The following PAX7 variants were observed in gnomAD, a reference collection of about 807,000 sequenced individuals.
The protein encoded by PAX7 is paired box protein Pax-7.
Under a neutral mutation model 50.7 loss-of-function variants are expected in PAX7, and 18 were observed. That is an observed-to-expected ratio of 0.36 (90% CI 0.25 to 0.53). The LOEUF (loss-of-function observed/expected upper bound fraction) is 0.53, where lower values mean the gene tolerates loss of function less well. Among genes scored for constraint, PAX7 ranks in the 20% least tolerant of loss-of-function variants. PAX7 has a pLI of 0.93. For synonymous variants in PAX7, 310 were observed against 290.4 expected, an observed-to-expected ratio of 1.07 and a Z score of -0.69; for missense variants, 644 against 702.9, an observed-to-expected ratio of 0.92 and a Z score of 0.95.
At position 18,716,939 on chromosome 1, in the gene PAX7, C is replaced by G. The variant is rs574092833; in HGVS notation, c.1155+13643C>G. Among the ~76,000 whole-genome samples the G allele has an allele frequency of 7.3e-5, 11 of 150,360 alleles. No individual in the cohort carries two copies. In the South Asian group the frequency reaches 2.3e-3, roughly 32 times the overall value. The stretch of plus-strand genomic sequence containing the variant: ...GAGGCAGGGACCGGGCGCGGGCTCC[C>G]GAGGCCGGGCGGACCCAAGTCCAGG... On this transcript the variant is annotated intron_variant, in intron 7 of 8. Transcript: ENST00000420770.
intron 6 of PAX7, 113 bp from the exon 7 acceptor site, chr1:18,702,981 C>A (rs1263997310): frequency 2.0e-6 from 2 of 994,008 alleles, no homozygotes; most frequent in East Asian, 2.6e-5. Flanking sequence ...GGTCCCTTCC[C>A]TCCAAGGAAT....
intron 4 of PAX7, among the ~76,000 whole-genome samples, chr1:18,668,250 A>G (rs188121604): frequency 8.8e-4 from 134 of 152,290 alleles, no homozygotes; most frequent in African/African-American, 3.2e-3. Flanking sequence ...GCCACATTAG[A>G]TGCCTGAGCC....
At chr1:18,738,715 A>G (rs1234303600) in intron 8 of PAX7, among the ~76,000 whole-genome samples, 2 of 151,652 alleles carry the variant, frequency 1.3e-5, no homozygotes, top group Non-Finnish European at 2.9e-5. Context: ...ACAGACCCCA[A>G]CTCACCCCAC....
At chr1:18,731,402 G>A (rs1357576488) in intron 7 of PAX7, among the ~76,000 whole-genome samples, 1 of 152,164 alleles carries the variant, frequency 6.6e-6, no homozygotes, top group Non-Finnish European at 1.5e-5. Context: ...AGCACAGCTA[G>A]GGACCCGGGA....
At chr1:18,671,708 G>A (rs1180795905) in intron 4 of PAX7, among the ~76,000 whole-genome samples, 1 of 152,154 alleles carries the variant, frequency 6.6e-6, no homozygotes, top group Non-Finnish European at 1.5e-5. Context: ...AACAGGCCAG[G>A]CCTGGTGGTT....
intron 3 of PAX7, 40 bp downstream of exon 3, chr1:18,635,280 T>C: frequency 6.2e-7 from 1 of 1,608,602 alleles, no homozygotes; most frequent in Non-Finnish European, 8.5e-7. Context: ...GCCCAGAGTG[T>C]GGCCAGGGGT....
In PAX7 at chr1:18,745,381, C is replaced by G; in HGVS notation, c.*452C>G. The G allele has an allele frequency of 4.1e-6, 1 of 245,456 alleles. No homozygotes were observed. Among genetic ancestry groups the G allele is most frequent in the East Asian group, 5.9e-5 (1 of 16,826 alleles). The allele number at this position is 245,456 out of a possible 1,614,324, so 15.2% of individuals were successfully genotyped here. ...GCTCTCAGCTGGATGTACTGGGAGC[C>G]AGCCCTGCAAGGAGGGTCTCTGGCT... On this transcript the variant is annotated 3_prime_UTR_variant, in exon 9 of 9. Transcript: ENST00000420770.
In PAX7 at chr1:18,673,534, T is replaced by G. The variant is rs373868175; in HGVS notation, c.587-18220T>G. Among the ~76,000 whole-genome samples, 108 of 152,348 alleles carry G rather than the reference T, an allele frequency of 7.1e-4. 1 individual carries two copies. In the Middle Eastern group the frequency reaches 0.02, roughly 29 times the overall value. On this transcript the variant is annotated intron_variant, in intron 4 of 8. Transcript: ENST00000420770. ...ATTTTTGGAAAATAACATTGTTTATTTGATCAAGATTCAGTAAACTGGGCT... is the reference window on the plus strand; with the variant it reads ...ATTTTTGGAAAATAACATTGTTTATGTGATCAAGATTCAGTAAACTGGGCT...
rs987739759 is a variant in PAX7 at position 18,744,863 on chromosome 1, C to A, written c.1452C>A (p.Arg484=). Residue 484 remains arginine, a synonymous_variant, in exon 9 of 9, where the codon CGC becomes CGA. Coordinates refer to ENST00000420770, the MANE Select transcript of PAX7 (RefSeq NM_001135254.2). Reference sequence around the variant, plus strand: ...ATGTGAGCCTCTCCACCCAGCGTCGCATGAAGCTCGGGGAGCACTCTGCTG... The same window carrying A: ...ATGTGAGCCTCTCCACCCAGCGTCGAATGAAGCTCGGGGAGCACTCTGCTG... ...AKNVSLSTQR[R]MKLGEHSAVL... 5.1e-6 allele frequency: 8 copies of A among 1,558,794 alleles called. No homozygotes were observed. Among genetic ancestry groups the A allele is most frequent in the Middle Eastern group, 1.7e-4 (1 of 6,000 alleles).
chr1:18,723,028 C>T (rs1024336923), intron 7 of PAX7, among the ~76,000 whole-genome samples: 2 of 152,200 alleles, frequency 1.3e-5, no homozygotes, highest in Non-Finnish European at 2.9e-5. Flanking sequence ...CTCTTGCAGA[C>T]TTCATAGTCC....
intron 4 of PAX7, among the ~76,000 whole-genome samples, chr1:18,662,314 G>T (rs770404752): frequency 6.6e-6 from 1 of 152,152 alleles, no homozygotes; most frequent in East Asian, 1.9e-4. Flanking sequence ...CCCCTGCCCC[G>T]GCAGTCTTGG....
intron 7 of PAX7, among the ~76,000 whole-genome samples, chr1:18,727,620 A>G (rs2089591363): frequency 6.6e-6 from 1 of 152,164 alleles, no homozygotes; most frequent in Admixed American, 6.5e-5. Context: ...AGTACTTCCT[A>G]GAGTCATGAT....
At position 18,646,869 on chromosome 1, in the gene PAX7, G is replaced by GGGGGCGGCGC. The variant is rs1174422630; in HGVS notation, c.586+10511_586+10520dup. Among the ~76,000 whole-genome samples the GGGGGCGGCGC allele has an allele frequency of 3.5e-4, 53 of 150,384 alleles. No homozygotes were observed. In the East Asian group the frequency reaches 5.6e-3, roughly 16 times the overall value. On this transcript the variant is annotated intron_variant, in intron 4 of 8. Coordinates refer to ENST00000420770, the MANE Select transcript of PAX7 (RefSeq NM_001135254.2). ...CCCCATTATCCCGAGAAGAAAACCG[G>GGGGGCGGCGC]GGGGCGGCGCGGGGCGGCGCGGCGC...
chr1:18,689,451 G>A (rs921267422), intron 4 of PAX7, among the ~76,000 whole-genome samples: 1 of 152,128 alleles, frequency 6.6e-6, no homozygotes, highest in Non-Finnish European at 1.5e-5. Context: ...AAAAGCAAGG[G>A]CAGGGGTTAG....
At chr1:18,725,480 C>T (rs902548460) in intron 7 of PAX7, among the ~76,000 whole-genome samples, 2 of 152,170 alleles carry the variant, frequency 1.3e-5, no homozygotes, top group Admixed American at 6.5e-5. Context: ...CACCTGGAGC[C>T]GCTGACAAAC....
chr1:18,670,893 CT>C (rs1314368103), intron 4 of PAX7, among the ~76,000 whole-genome samples: 6 of 152,326 alleles, frequency 3.9e-5, no homozygotes, highest in Middle Eastern at 3.4e-3. Flanking sequence ...ATAATTTACT[CT>C]CTGACACTTA....
At position 18,631,680 on chromosome 1, in the gene PAX7, C is replaced by A; in HGVS notation, c.77C>A (p.Pro26His). The change falls in exon 1 of 9, where the codon CCT (proline) becomes CAT (histidine). Residue 26 changes from proline to histidine, a missense_variant. Coordinates refer to ENST00000420770, the MANE Select transcript of PAX7 (RefSeq NM_001135254.2). ...PGQNYPRTGF[P>H]LEVSTPLGQG... is the part of the protein sequence containing the mutation. ...CAGAACTACCCCCGCACGGGATTCC[C>A]TTTGGAAGGTAAGAACGCCCAGGCT... 1 of 1,612,364 alleles carries A rather than the reference C, an allele frequency of 6.2e-7. No individual in the cohort carries two copies. Among genetic ancestry groups the A allele is most frequent in the Non-Finnish European group, 8.5e-7 (1 of 1,179,540 alleles).
chr1:18,653,236 C>G (rs185670091), intron 4 of PAX7, among the ~76,000 whole-genome samples: 3 of 151,578 alleles, frequency 2.0e-5, no homozygotes, highest in East Asian at 3.9e-4. Flanking sequence ...CTTCCTGGCC[C>G]GCATTTTGAT....
chr1:18,744,738 A>ATGGG, intron 8 of PAX7, 76 bp from the exon 9 acceptor site: 4 of 753,328 alleles, frequency 5.3e-6, no homozygotes. Context: ...GGATGGATGG[A>ATGGG]TGGGTGTAGA....
Sources: allele counts gnomAD v4.1 joint callset (sites outside exome capture counted in the v4.1 genomes callset), GRCh38; gene constraint gnomAD v4.1.1; transcripts MANE v1.5; gene names NCBI Gene and HGNC (gene_info 2026-07-23, HGNC 2026-07-21).